Variants in DLG2 observed in about 807,000 individuals in gnomAD.
DLG2 encodes disks large homolog 2.
Under a neutral mutation model 132.5 loss-of-function variants are expected in DLG2, and 45 were observed. The ratio of observed to expected loss-of-function variants is 0.34; its 90% confidence interval spans 0.27 to 0.44. DLG2 has a LOEUF of 0.44. Ranked by LOEUF, DLG2 falls within the 20% of genes least tolerant of loss-of-function variation. The probability of loss-of-function intolerance (pLI) is 1.00; values close to 1 mark genes in which losing one functional copy is unlikely to be tolerated. For missense variants in DLG2, 1,045 were observed against 1,196.9 expected (o/e 0.87, Z 1.87); for synonymous variants, 424 against 419.6 (o/e 1.01, Z -0.13).
chr11:84,448,987 A>T (rs570753397), intron 7 of DLG2, among the ~76,000 whole-genome samples: 1 of 151,982 alleles, frequency 6.6e-6, no homozygotes, highest in East Asian at 1.9e-4. Context: ...CTATACAGAG[A>T]CCTATCTAGC....
intron 5 of DLG2, among the ~76,000 whole-genome samples, chr11:85,154,329 C>T (rs75604155): frequency 0.026 from 3,886 of 152,150 alleles, 86 homozygotes; most frequent in East Asian, 0.096. Flanking sequence ...TTGAAGACTA[C>T]GTACTAAAAC....
At chr11:83,958,804 T>C (rs947586072) in intron 14 of DLG2, among the ~76,000 whole-genome samples, 1 of 152,114 alleles carries the variant, frequency 6.6e-6, no homozygotes, top group African/African-American at 2.4e-5. Context: ...TTTTTCATAA[T>C]TGCTACTTTC....
chr11:84,823,697 AG>A (rs1213853454), intron 6 of DLG2, among the ~76,000 whole-genome samples: 18 of 151,686 alleles, frequency 1.2e-4, no homozygotes, highest in African/African-American at 3.9e-4. Context: ...CATAAAAAAA[AG>A]TTCCATATTT....
At chr11:84,458,626 C>CT (rs540737365) in intron 7 of DLG2, among the ~76,000 whole-genome samples, 10 of 150,764 alleles carry the variant, frequency 6.6e-5, no homozygotes, top group Middle Eastern at 3.4e-3. Context: ...AATATAATAA[C>CT]TTTTTTTATT....
chr11:83,797,817 C>T (rs921119874), intron 17 of DLG2, among the ~76,000 whole-genome samples: 2 of 152,200 alleles, frequency 1.3e-5, no homozygotes, highest in African/African-American at 4.8e-5. Flanking sequence ...TGCACCCGGC[C>T]GCGTTTGCAT....
intron 6 of DLG2, among the ~76,000 whole-genome samples, chr11:85,069,798 A>G (rs2065521022): frequency 6.6e-6 from 1 of 152,170 alleles, no homozygotes; most frequent in South Asian, 2.1e-4. Flanking sequence ...CCATCCCATT[A>G]CTGGGTACAC....
intron 8 of DLG2, among the ~76,000 whole-genome samples, chr11:84,188,275 C>G (rs976608540): frequency 4.6e-5 from 7 of 152,090 alleles, no homozygotes; most frequent in African/African-American, 1.7e-4. Flanking sequence ...ATCTAAAAAT[C>G]TGAATTTTAG....
intron 6 of DLG2, among the ~76,000 whole-genome samples, chr11:84,539,594 T>G (rs573813691): frequency 1.2e-3 from 177 of 152,284 alleles, no homozygotes; most frequent in South Asian, 4.4e-3. Context: ...TGTAATTCTG[T>G]GAGGAAAGTC....
At chr11:84,757,342 C>A (rs778052307) in intron 6 of DLG2, among the ~76,000 whole-genome samples, 2 of 151,912 alleles carry the variant, frequency 1.3e-5, no homozygotes, top group Non-Finnish European at 2.9e-5. Flanking sequence ...TTTATTTCCC[C>A]ATTTCACTTC....
chr11:83,513,245 C>T (rs569168099), intron 21 of DLG2, among the ~76,000 whole-genome samples: 64 of 152,286 alleles, frequency 4.2e-4, no homozygotes, highest in African/African-American at 1.4e-3. Flanking sequence ...GAGATGGTAT[C>T]TCATTGTGGG....
intron 21 of DLG2, among the ~76,000 whole-genome samples, chr11:83,502,334 C>T (rs2094481609): frequency 6.6e-6 from 1 of 152,140 alleles, no homozygotes; most frequent in Non-Finnish European, 1.5e-5. Flanking sequence ...ACTACCTTTT[C>T]TGTGATTGCT....
chr11:83,643,347 C>T (rs551496208), intron 18 of DLG2, among the ~76,000 whole-genome samples: 2 of 152,170 alleles, frequency 1.3e-5, no homozygotes, highest in Non-Finnish European at 2.9e-5. Flanking sequence ...TAGGGCCTAG[C>T]TGCCAATGGT....
Position 83,685,282 on chromosome 11 carries a change from T to C in DLG2, c.1826-51957A>G, listed in dbSNP as rs543618633. Among the ~76,000 whole-genome samples the C allele has an allele frequency of 2.0e-5, 3 of 152,274 alleles. No homozygotes were observed. In the South Asian group the frequency reaches 6.2e-4, roughly 32 times the overall value. On this transcript the variant is annotated intron_variant, in intron 18 of 27. Transcript: ENST00000376104. ...TGCGGCAACAGGTAACATAAAACATTAGTGTCTGTTTTCACTTCCTCACAT... is the reference window on the plus strand; with the variant it reads ...TGCGGCAACAGGTAACATAAAACATCAGTGTCTGTTTTCACTTCCTCACAT...
chr11:85,261,372 C>T (rs867830379), intron 4 of DLG2, among the ~76,000 whole-genome samples: 5 of 152,142 alleles, frequency 3.3e-5, no homozygotes, highest in African/African-American at 9.6e-5. Context: ...TATGAGGACA[C>T]CACATCCCCC....
chr11:84,895,796 G>C (rs2090107855), intron 6 of DLG2, among the ~76,000 whole-genome samples: 1 of 152,030 alleles, frequency 6.6e-6, no homozygotes, highest in Non-Finnish European at 1.5e-5. Context: ...CAAGTTAAGA[G>C]CAGAGGTATG....
At chr11:84,021,656 T>C (rs1193602237) in intron 11 of DLG2, among the ~76,000 whole-genome samples, 1 of 152,210 alleles carries the variant, frequency 6.6e-6, no homozygotes, top group East Asian at 1.9e-4. Flanking sequence ...TTGGATGATA[T>C]CTGGTAACAT....
At chr11:84,280,905 T>TTTTTTG (rs2097848031) in intron 7 of DLG2, among the ~76,000 whole-genome samples, 1 of 141,140 alleles carries the variant, frequency 7.1e-6, no homozygotes, top group Non-Finnish European at 1.5e-5. Context: ...GTATTTTTAG[T>TTTTTTG]AGAGACGGGG....
At chr11:85,050,118 TCACACA>T (rs33991615) in intron 6 of DLG2, among the ~76,000 whole-genome samples, 51 of 136,822 alleles carry the variant, frequency 3.7e-4, no homozygotes, top group African/African-American at 1.2e-3. Context: ...CACTGTGTCA[TCACACA>T]CACACACACA....
chr11:85,455,605 T>A (rs988947796), intron 3 of DLG2, among the ~76,000 whole-genome samples: 3 of 152,154 alleles, frequency 2.0e-5, no homozygotes, highest in Non-Finnish European at 4.4e-5. Context: ...TCATTCTGGT[T>A]ATCAAGGGGA....
Sources: allele counts gnomAD v4.1 joint callset (sites outside exome capture counted in the v4.1 genomes callset), GRCh38; gene constraint gnomAD v4.1.1; transcripts MANE v1.5; gene names NCBI Gene and HGNC (gene_info 2026-07-23, HGNC 2026-07-21).